SMS: variants seen among roughly 807,000 people sequenced by gnomAD.
SMS encodes spermidine aminopropyltransferase.
In SMS, 3 loss-of-function variants were observed where a neutral mutation model predicts 33.0. The observed-to-expected ratio is 0.09, with a 90% CI of 0.04 to 0.23. The LOEUF (loss-of-function observed/expected upper bound fraction) is 0.23, where lower values mean the gene tolerates loss of function less well. SMS is among the 10% of genes least tolerant of loss of function. The probability of loss-of-function intolerance (pLI) is 1.00; values close to 1 mark genes in which losing one functional copy is unlikely to be tolerated. For synonymous variants in SMS, 103 were observed against 112.2 expected (o/e 0.92, Z 0.52); for missense variants, 117 against 288.6 (o/e 0.41, Z 4.31).
chrX:21,959,809 A>G (rs1450266851), intron 1 of SMS: 4 of 324,682 alleles, frequency 1.2e-5, no homozygotes, highest in Non-Finnish European at 1.6e-5. Context: ...TCTGGGGTTT[A>G]GGGGAAAGGA....
intron 1 of SMS, among the ~76,000 whole-genome samples, chrX:21,942,493 C>A (rs991686911): frequency 1.8e-5 from 2 of 111,985 alleles, no homozygotes; most frequent in Non-Finnish European, 3.8e-5. Context: ...GGTTTTTAAG[C>A]AATGTCAGTG....
rs753045110 is a variant in SMS, at chrX:21,972,558, GGGC to G, written c.319_321del (p.Arg107del). 6 of 1,180,918 alleles carry G rather than the reference GGGC, an allele frequency of 5.1e-6. No individual in the cohort carries two copies. In the East Asian group the frequency reaches 1.8e-4, roughly 35 times the overall value. On this transcript the variant is annotated inframe_deletion, in exon 4 of 11. Coordinates refer to ENST00000404933, the MANE Select transcript of SMS (RefSeq NM_004595.5). Reference sequence around the variant, plus strand: ...GAAAGAATTGAGTCAGGACAGTACTGGGCGGGTGAAACGGTAAGTCCACTCTTG... The same window carrying G: ...GAAAGAATTGAGTCAGGACAGTACTGGGGTGAAACGGTAAGTCCACTCTTG...
intron 1 of SMS, among the ~76,000 whole-genome samples, chrX:21,961,549 C>T (rs1923351141): frequency 9.0e-6 from 1 of 111,384 alleles, no homozygotes; most frequent in Non-Finnish European, 1.9e-5. Flanking sequence ...CCAAGACGGG[C>T]CTGTAAATGG....
At chrX:21,948,393 C>G (rs993444708) in intron 1 of SMS, among the ~76,000 whole-genome samples, 7 of 105,500 alleles carry the variant, frequency 6.6e-5, no homozygotes, top group Non-Finnish European at 1.2e-4. Flanking sequence ...ATCTGAAGCC[C>G]CGCATGAGAC....
chrX:21,964,819 T>C (rs1358855241), intron 1 of SMS, among the ~76,000 whole-genome samples: 1 of 111,974 alleles, frequency 8.9e-6, no homozygotes, highest in Non-Finnish European at 1.9e-5. Context: ...TTTGGGCAGG[T>C]GTATTAGCTT....
chrX:21,967,014 A>G (rs756512860), intron 1 of SMS, among the ~76,000 whole-genome samples, 182 bp from the exon 2 acceptor site: 1 of 110,825 alleles, frequency 9.0e-6, no homozygotes, highest in South Asian at 3.9e-4. Context: ...ATGTCATGAC[A>G]AGGGATAAGT....
chrX:21,980,413 T>C (rs1602214070), intron 7 of SMS, among the ~76,000 whole-genome samples: 2 of 14,125 alleles, frequency 1.4e-4, no homozygotes, highest in African/African-American at 4.0e-4. Context: ...GGAGACTGTC[T>C]CCAAAAAAAA....
Position 21,978,007 on chromosome X carries a change from G to A in SMS, c.553G>A (p.Gly185Ser), listed in dbSNP as rs1168143614. 3 of 1,207,579 alleles carry A rather than the reference G, an allele frequency of 2.5e-6. No individual in the cohort carries two copies. Among genetic ancestry groups the A allele is most frequent in the Middle Eastern group, 2.3e-4 (1 of 4,371 alleles). The change falls in exon 6 of 11, where the codon GGC becomes AGC. Residue 185 changes from glycine to serine, a missense_variant. By Grantham distance (56) the Gly-to-Ser change is moderately conservative (BLOSUM62 0). Around this residue, in one of 3 missense-constraint regions of SMS, gnomAD observed 69 missense variants for 203.8 expected, o/e 0.34. Coordinates refer to ENST00000404933, the MANE Select transcript of SMS (RefSeq NM_004595.5). ...ATATACCCGGGCCATCATGGGCAGT[G>A]GCAAAGAAGATTACACTGGCAAAGA... Reference protein sequence around the residue: ...LAYTRAIMGSGKEDYTGKDVL... With the variant: ...LAYTRAIMGSSKEDYTGKDVL...
intron 1 of SMS, among the ~76,000 whole-genome samples, chrX:21,966,602 T>C (rs1385411008): frequency 1.8e-5 from 2 of 111,328 alleles, no homozygotes; most frequent in African/African-American, 6.5e-5. Context: ...TTGTCCCATA[T>C]GGAATCGTTG....
chrX:21,990,702 AAG>A (rs1341893451), intron 9 of SMS, among the ~76,000 whole-genome samples: 2 of 112,523 alleles, frequency 1.8e-5, no homozygotes, highest in Admixed American at 9.4e-5. Context: ...AACCTCTATA[AAG>A]AGAGAGTGTG....
intron 7 of SMS, among the ~76,000 whole-genome samples, chrX:21,983,251 G>A (rs1031259147): frequency 9.1e-6 from 1 of 110,268 alleles, no homozygotes; most frequent in African/African-American, 3.3e-5. Flanking sequence ...TGTCGCCCAG[G>A]CTGCTCTAGT....
rs60262050 is a variant in SMS at position 21,979,167 on chromosome X, C to G, written c.750+201C>G. Among the ~76,000 whole-genome samples the G allele has an allele frequency of 0.18, 17,776 of 98,221 alleles. 2,364 individuals carry two copies. The highest frequency in any genetic ancestry group is 0.46 in the African/African-American group (13,217 of 28,930). 85.3% of individuals were successfully genotyped at this position (98,221 alleles called of 115,157 possible). ...TGGGAAAGCACCAACTCCAGATTCT[C>G]TGAATTAAATAAAATTAATTCTTTT... On this transcript the variant is annotated intron_variant, in intron 7 of 10. Coordinates refer to ENST00000404933, the MANE Select transcript of SMS (RefSeq NM_004595.5).
chrX:21,949,682 C>T (rs962180386), intron 1 of SMS, among the ~76,000 whole-genome samples: 1 of 111,983 alleles, frequency 8.9e-6, no homozygotes, highest in African/African-American at 3.2e-5. Context: ...TCTGAATTCT[C>T]CCTTCTAGAA....
At chrX:21,970,745 G>GTTT (rs756995067) in intron 2 of SMS, among the ~76,000 whole-genome samples, 6 of 82,248 alleles carry the variant, frequency 7.3e-5, no homozygotes, top group Non-Finnish European at 1.4e-4. Context: ...ATTATTTTTA[G>GTTT]TTTTTTTTTT....
Position 21,960,944 on chromosome X carries a change from C to A in SMS, c.50-6252C>A, listed in dbSNP as rs904666953. ...CTGGATGTGTGAGAATTGCATATTTCCTTAGGGCAGCCTCTAATGGAATTT... is the reference window on the plus strand; with the variant it reads ...CTGGATGTGTGAGAATTGCATATTTACTTAGGGCAGCCTCTAATGGAATTT... On this transcript the variant is annotated intron_variant, in intron 1 of 10. Transcript: ENST00000404933. Among the ~76,000 whole-genome samples, 6 of 109,548 alleles carry A rather than the reference C, an allele frequency of 5.5e-5. 1 individual carries two copies. In the Admixed American group the frequency reaches 5.9e-4, roughly 11 times the overall value.
chrX:21,976,164 C>G (rs113245426), intron 4 of SMS, among the ~76,000 whole-genome samples: 173 of 111,060 alleles, frequency 1.6e-3, no homozygotes, highest in African/African-American at 5.4e-3. Flanking sequence ...AAAAAATCAT[C>G]ATTTTGCAGC....
intron 4 of SMS, among the ~76,000 whole-genome samples, chrX:21,974,221 A>G (rs948538843): frequency 8.9e-6 from 1 of 112,741 alleles, no homozygotes; most frequent in Non-Finnish European, 1.9e-5. Context: ...ATCAGCCCAC[A>G]AGAAAGCTCC....
At chrX:21,987,724 G>A (rs1464001364) in intron 9 of SMS, among the ~76,000 whole-genome samples, 6 of 112,493 alleles carry the variant, frequency 5.3e-5, no homozygotes, top group African/African-American at 1.9e-4. Flanking sequence ...TGAACAAAAA[G>A]AGACTGAAAA....
At chrX:21,941,578 G>A (rs1921779571) in intron 1 of SMS, among the ~76,000 whole-genome samples, 1 of 110,543 alleles carries the variant, frequency 9.0e-6, no homozygotes, top group Non-Finnish European at 1.9e-5. Flanking sequence ...TTTACACCCC[G>A]AATCGGGGAG....
Sources: allele counts gnomAD v4.1 joint callset (sites outside exome capture counted in the v4.1 genomes callset), GRCh38; gene constraint gnomAD v4.1.1; regional missense constraint gnomAD v4.1.1; transcripts MANE v1.5; gene names NCBI Gene and HGNC (gene_info 2026-07-23, HGNC 2026-07-21).